The following KYAT1 variants were observed in gnomAD, a reference collection of about 807,000 sequenced individuals.
The protein encoded by KYAT1 is kynurenine aminotransferase 1, also known as kynurenine--oxoglutarate transaminase 1.
In KYAT1, 47 loss-of-function variants were observed where a neutral mutation model predicts 52.4. The observed-to-expected ratio is 0.90, with a 90% CI of 0.71 to 1.14. The LOEUF is 1.14. KYAT1 is among the 50% of genes most tolerant of loss of function. The pLI is 0.00. For missense variants in KYAT1, 480 were observed against 557.9 expected (o/e 0.86, Z 1.41); for synonymous variants, 212 against 209.6 (o/e 1.01, Z -0.10).
rs375187999 is a variant in KYAT1, at chr9:128,835,431, C to G, written c.1043-29G>C. On this transcript the variant is annotated intron_variant, in intron 10 of 12. Transcript: ENST00000302586. ...GGAGACAGAGGCCACACTGAGCCCC[C>G]TGCAGCCTCCAGCCCCTGCGCCCTG... The G allele has an allele frequency of 2.9e-5, 47 of 1,613,560 alleles. 1 individual carries two copies. Among genetic ancestry groups the G allele is most frequent in the Non-Finnish European group, 2.5e-6 (3 of 1,179,746 alleles).
At chr9:128,865,324 TATATATATATATA>T (rs1836081877) in intron 1 of KYAT1, among the ~76,000 whole-genome samples, 2 of 16,454 alleles carry the variant, frequency 1.2e-4, no homozygotes, top group African/African-American at 7.5e-4. Flanking sequence ...TATATATATA[TATATATATATATA>T]TATATATATA....
intron 1 of KYAT1, among the ~76,000 whole-genome samples, chr9:128,875,269 T>A (rs1837836722): frequency 6.6e-6 from 1 of 150,548 alleles, no homozygotes; most frequent in Non-Finnish European, 1.5e-5. Flanking sequence ...TTTTTTGGTT[T>A]TTGTTTTTGA....
chr9:128,848,756 G>A (rs1833485043), intron 1 of KYAT1, among the ~76,000 whole-genome samples: 1 of 150,214 alleles, frequency 6.7e-6, no homozygotes, highest in Non-Finnish European at 1.5e-5. Context: ...GGTGGAGGAT[G>A]CAGTGAGCCG....
chr9:128,853,719 C>G (rs1026916173), intron 1 of KYAT1, among the ~76,000 whole-genome samples: 2 of 152,210 alleles, frequency 1.3e-5, no homozygotes, highest in Non-Finnish European at 2.9e-5. Context: ...AGCATAAAAA[C>G]TTCGTGCCTT....
intron 1 of KYAT1, among the ~76,000 whole-genome samples, chr9:128,865,326 TATATATATATATATATATATA>T (rs1836092936): frequency 2.1e-5 from 1 of 46,640 alleles, no homozygotes; most frequent in African/African-American, 3.0e-4. Flanking sequence ...TATATATATA[TATATATATATATATATATATA>T]TATATATATA....
intron 1 of KYAT1, among the ~76,000 whole-genome samples, chr9:128,848,435 C>T (rs1564469511): frequency 6.6e-6 from 1 of 151,450 alleles, no homozygotes; most frequent in African/African-American, 2.4e-5. Flanking sequence ...AAGTGTGATA[C>T]TGCTTAAAGA....
chr9:128,850,769 A>T (rs535616411), intron 1 of KYAT1, among the ~76,000 whole-genome samples: 1 of 152,252 alleles, frequency 6.6e-6, no homozygotes, highest in East Asian at 1.9e-4. Flanking sequence ...TGAATGTCTC[A>T]GTATAAAACC....
At chr9:128,838,927 G>A (rs545825860) in intron 3 of KYAT1, among the ~76,000 whole-genome samples, 8 of 144,302 alleles carry the variant, frequency 5.5e-5, no homozygotes, top group South Asian at 4.5e-4. Context: ...GCAGCTTTGC[G>A]GGAGAGGCTT....
chr9:128,872,286 TAC>T (rs1388013331), intron 1 of KYAT1, among the ~76,000 whole-genome samples: 2 of 140,516 alleles, frequency 1.4e-5, no homozygotes, highest in Non-Finnish European at 3.1e-5. Flanking sequence ...CTACTAAAAA[TAC>T]AAAAAATTAG....
intron 1 of KYAT1, among the ~76,000 whole-genome samples, chr9:128,854,191 T>C (rs759623421): frequency 6.6e-6 from 1 of 151,968 alleles, no homozygotes; most frequent in Non-Finnish European, 1.5e-5. Flanking sequence ...AATAGAACAC[T>C]CAAAGCTCAA....
chr9:128,841,829 C>A (rs1299550612), intron 3 of KYAT1, among the ~76,000 whole-genome samples: 3 of 151,848 alleles, frequency 2.0e-5, no homozygotes, highest in Non-Finnish European at 4.4e-5. Context: ...GAAACCCTGT[C>A]TCTAAATTAG....
At chr9:128,840,109 A>AG (rs1157854250) in intron 3 of KYAT1, among the ~76,000 whole-genome samples, 1 of 152,166 alleles carries the variant, frequency 6.6e-6, no homozygotes, top group African/African-American at 2.4e-5. Context: ...CAAAACAGGA[A>AG]GAGAAAAATA....
chr9:128,845,815 ACAG>A (rs1833003415), intron 1 of KYAT1, among the ~76,000 whole-genome samples: 1 of 152,246 alleles, frequency 6.6e-6, no homozygotes, highest in South Asian at 2.1e-4. Flanking sequence ...GGCAACAGTG[ACAG>A]CAGCAGCCTC....
chr9:128,879,420 G>C lies in KYAT1; in HGVS notation c.-7+2477C>G, dbSNP rs144341356. ...CAGTGACTGCCTCATGGCTGTGAAGGCTCCTGCATTCCTTTATCGCCCCCA... is the reference window on the plus strand; with the variant it reads ...CAGTGACTGCCTCATGGCTGTGAAGCCTCCTGCATTCCTTTATCGCCCCCA... On this transcript the variant is annotated intron_variant, in intron 1 of 12. Coordinates refer to ENST00000302586, the MANE Select transcript of KYAT1 (RefSeq NM_004059.5). 9.4e-3 allele frequency among the ~76,000 whole-genome samples: 1,437 copies of C among 152,256 alleles called. 9 individuals are homozygous for C. The highest frequency in any genetic ancestry group is 0.016 in the Non-Finnish European group (1,071 of 68,022).
At chr9:128,876,409 CT>C (rs71383618) in intron 1 of KYAT1, among the ~76,000 whole-genome samples, 82 of 124,506 alleles carry the variant, frequency 6.6e-4, no homozygotes, top group East Asian at 3.0e-3. Flanking sequence ...ATCCTTTGTT[CT>C]TTTTTTTTTT....
At chr9:128,857,348 T>A (rs542386672) in intron 1 of KYAT1, among the ~76,000 whole-genome samples, 1 of 152,336 alleles carries the variant, frequency 6.6e-6, no homozygotes, top group Non-Finnish European at 1.5e-5. Context: ...GCCAGTCTCC[T>A]GGGCCCACTG....
chr9:128,850,331 CT>C (rs1833784430), intron 1 of KYAT1, among the ~76,000 whole-genome samples: 1 of 152,166 alleles, frequency 6.6e-6, no homozygotes, highest in South Asian at 2.1e-4. Flanking sequence ...TGAACAATTG[CT>C]TTGCTGAGAT....
intron 3 of KYAT1, among the ~76,000 whole-genome samples, chr9:128,840,926 G>T (rs891356040): frequency 2.2e-4 from 33 of 152,204 alleles, no homozygotes; most frequent in African/African-American, 7.0e-4. Flanking sequence ...ATTTATCTTA[G>T]AGAAATACAT....
At chr9:128,852,930 G>C (rs903641723) in intron 1 of KYAT1, among the ~76,000 whole-genome samples, 9 of 152,264 alleles carry the variant, frequency 5.9e-5, no homozygotes, top group Admixed American at 4.6e-4. Flanking sequence ...AAATAGAATA[G>C]ATCATTTAGC....
Sources: allele counts gnomAD v4.1 joint callset (sites outside exome capture counted in the v4.1 genomes callset), GRCh38; gene constraint gnomAD v4.1.1; transcripts MANE v1.5; gene names NCBI Gene and HGNC (gene_info 2026-07-23, HGNC 2026-07-21).